CLDN1: variants seen among roughly 807,000 people sequenced by gnomAD.
CLDN1 encodes claudin-1.
CLDN1 carries 12 observed loss-of-function variants against 22.6 expected under a neutral mutation model. The observed-to-expected ratio is 0.53, with a 90% CI of 0.34 to 0.86. The LOEUF (loss-of-function observed/expected upper bound fraction) is 0.86, where lower values mean the gene tolerates loss of function less well. CLDN1 is among the 40% of genes least tolerant of loss of function. The pLI, the probability that CLDN1 is intolerant of heterozygous loss-of-function variation, is 0.02. For missense variants in CLDN1, 250 were observed against 269.5 expected (o/e 0.93, Z 0.51); for synonymous variants, 99 against 103.8 (o/e 0.95, Z 0.28).
chr3:190,321,655 A>G (rs1490034915), intron 1 of CLDN1, among the ~76,000 whole-genome samples: 1 of 152,184 alleles, frequency 6.6e-6, no homozygotes, highest in Non-Finnish European at 1.5e-5. Flanking sequence ...CAAATCTCGG[A>G]ATGCCTAGGA....
At position 190,322,324 on chromosome 3, in the gene CLDN1, G is replaced by A. The variant is rs1716950480; in HGVS notation, c.-118C>T. ...GGCCCCGCGGAGGAAGTTAAGGCGGGGAGCCCTGCTCGCTGCGCCGCCGCT... is the reference window on the plus strand; with the variant it reads ...GGCCCCGCGGAGGAAGTTAAGGCGGAGAGCCCTGCTCGCTGCGCCGCCGCT... On this transcript the variant is annotated 5_prime_UTR_variant, in exon 1 of 4. Transcript: ENST00000295522. The A allele has an allele frequency of 1.1e-6, 1 of 929,428 alleles. No individual in the cohort carries two copies. The highest frequency in any genetic ancestry group is 2.6e-5 in the East Asian group (1 of 38,186). 57.6% of individuals were successfully genotyped at this position (929,428 alleles called of 1,614,324 possible). A position where few individuals can be genotyped will look rare whatever the true frequency, so the allele number is the denominator to read the frequency against.
chr3:190,316,067 G>C (rs1716759554), intron 1 of CLDN1, among the ~76,000 whole-genome samples: 1 of 152,028 alleles, frequency 6.6e-6, no homozygotes, highest in South Asian at 2.1e-4. Context: ...CTTTCCAAGG[G>C]GCTGGGGACT....
chr3:190,312,858 A>C lies in CLDN1; in HGVS notation c.388+14T>G. 6.2e-7 allele frequency: 1 copy of C among 1,613,634 alleles called. No homozygotes were observed. Among genetic ancestry groups the C allele is most frequent in the African/African-American group, 1.3e-5 (1 of 75,046 alleles). ...CAGGTTAGTAAGGTGAAAGGGGGGC[A>C]CAGCCTCTATTACCTGCAAGAAGAA... On this transcript the variant is annotated intron_variant, in intron 2 of 3. Transcript: ENST00000295522.
In CLDN1 at chr3:190,310,270, C is replaced by G. The variant is rs1716576460; in HGVS notation, c.389-17G>C. 3 of 1,594,860 alleles carry G rather than the reference C, an allele frequency of 1.9e-6. No individual in the cohort carries two copies. Among genetic ancestry groups the G allele is most frequent in the Non-Finnish European group, 2.6e-6 (3 of 1,163,044 alleles). ...TAGCCAGACCTATAGAAATTCAAAACAAAAGACTGTTAATCACCATGGAAC... is the reference window on the plus strand; with the variant it reads ...TAGCCAGACCTATAGAAATTCAAAAGAAAAGACTGTTAATCACCATGGAAC... On this transcript the variant is annotated splice_polypyrimidine_tract_variant and intron_variant, in intron 2 of 3. Transcript: ENST00000295522.
intron 2 of CLDN1, among the ~76,000 whole-genome samples, chr3:190,311,051 C>T (rs912816957): frequency 5.3e-5 from 8 of 152,172 alleles, no homozygotes; most frequent in African/African-American, 1.9e-4. Context: ...GCTACTGTCT[C>T]TCCCCAGCCA....
At chr3:190,321,892 A>T in intron 1 of CLDN1, 92 bp downstream of exon 1, 1 of 920,260 alleles carries the variant, frequency 1.1e-6, no homozygotes, top group Non-Finnish European at 1.8e-6. Flanking sequence ...AAGACTGATA[A>T]CCATGGAATC....
chr3:190,321,487 A>G (rs1183731982), intron 1 of CLDN1, among the ~76,000 whole-genome samples: 1 of 152,254 alleles, frequency 6.6e-6, no homozygotes, highest in East Asian at 1.9e-4. Context: ...GTAGGAATGT[A>G]ACTTTTACTA....
chr3:190,317,515 G>A (rs1273766739), intron 1 of CLDN1, among the ~76,000 whole-genome samples: 2 of 152,188 alleles, frequency 1.3e-5, no homozygotes, highest in Non-Finnish European at 2.9e-5. Flanking sequence ...TAGAAAGACA[G>A]ACATATATGT....
At chr3:190,318,232 G>A (rs116353867) in intron 1 of CLDN1, among the ~76,000 whole-genome samples, 7,593 of 152,260 alleles carry the variant, frequency 0.05, 256 homozygotes, top group Non-Finnish European at 0.074. Flanking sequence ...GATGTCCTCA[G>A]AAGTTTTGCT....
chr3:190,319,264 C>G (rs919683099), intron 1 of CLDN1, among the ~76,000 whole-genome samples: 3 of 152,176 alleles, frequency 2.0e-5, no homozygotes, highest in African/African-American at 7.2e-5. Context: ...ACAACTGTAT[C>G]TGGCACTTTT....
In CLDN1 at chr3:190,305,730, T is replaced by C. The variant is rs956741085; in HGVS notation, c.*2547A>G. 2 of 152,180 alleles carry C rather than the reference T, an allele frequency of 1.3e-5. No individual in the cohort carries two copies. Among genetic ancestry groups the C allele is most frequent in the African/African-American group, 4.8e-5 (2 of 41,434 alleles). The allele number at this position is 152,180 out of a possible 1,614,324, so 9.4% of individuals were successfully genotyped here. A position where few individuals can be genotyped will look rare whatever the true frequency, so the allele number is the denominator to read the frequency against. ...CCTTTTTTTAAATTAAAAAACAATT[T>C]ATTGAAAAAGAGTAATGCTTTATAC... On this transcript the variant is annotated 3_prime_UTR_variant, in exon 4 of 4. Transcript: ENST00000295522.
intron 2 of CLDN1, among the ~76,000 whole-genome samples, chr3:190,311,595 T>A (rs552851600): frequency 6.6e-6 from 1 of 151,386 alleles, no homozygotes. Context: ...ATTAATTATA[T>A]CTGTTATTTT....
intron 1 of CLDN1, among the ~76,000 whole-genome samples, chr3:190,320,382 G>A (rs3774017): frequency 0.055 from 8,370 of 152,094 alleles, 330 homozygotes; most frequent in East Asian, 0.15. Flanking sequence ...GCCTGACACC[G>A]TTTCCTTAAA....
chr3:190,317,284 A>AT (rs1716794454), intron 1 of CLDN1, among the ~76,000 whole-genome samples: 2 of 152,012 alleles, frequency 1.3e-5, no homozygotes, highest in East Asian at 1.9e-4. Context: ...AAATTACACT[A>AT]TTTTTTCTCA....
At chr3:190,317,481 C>T (rs1716799804) in intron 1 of CLDN1, among the ~76,000 whole-genome samples, 1 of 152,154 alleles carries the variant, frequency 6.6e-6, no homozygotes, top group Admixed American at 6.5e-5. Context: ...TGATCTACTA[C>T]ACTTAGGTTA....
rs777910574 is a variant in CLDN1 at position 190,312,845 on chromosome 3, G to A, written c.388+27C>T. ...ATCATACCAGGAACAGGTTAGTAAGGTGAAAGGGGGGCACAGCCTCTATTA... is the reference window on the plus strand; with the variant it reads ...ATCATACCAGGAACAGGTTAGTAAGATGAAAGGGGGGCACAGCCTCTATTA... On this transcript the variant is annotated intron_variant, in intron 2 of 3. Transcript: ENST00000295522. The A allele has an allele frequency of 1.1e-5, 17 of 1,612,664 alleles. No individual in the cohort carries two copies. In the East Asian group the frequency reaches 3.3e-4, roughly 32 times the overall value.
At chr3:190,320,672 A>G (rs542691813) in intron 1 of CLDN1, among the ~76,000 whole-genome samples, 1 of 152,312 alleles carries the variant, frequency 6.6e-6, no homozygotes, top group South Asian at 2.1e-4. Flanking sequence ...TTTGATATAC[A>G]CTATTAAAAG....
chr3:190,313,136 A>G, intron 1 of CLDN1, 100 bp from the exon 2 acceptor site: 4 of 1,379,214 alleles, frequency 2.9e-6, no homozygotes, highest in Non-Finnish European at 4.1e-6. Context: ...GGAAGAGAGA[A>G]AACTGGACTA....
intron 1 of CLDN1, among the ~76,000 whole-genome samples, chr3:190,317,894 A>G (rs763718760): frequency 5.3e-5 from 8 of 152,166 alleles, no homozygotes; most frequent in Non-Finnish European, 7.3e-5. Context: ...GCAGATTCCA[A>G]TTCTCCCTTT....
Sources: allele counts gnomAD v4.1 joint callset (sites outside exome capture counted in the v4.1 genomes callset), GRCh38; gene constraint gnomAD v4.1.1; transcripts MANE v1.5; gene names NCBI Gene and HGNC (gene_info 2026-07-23, HGNC 2026-07-21).